Variants in STAT3 observed in about 807,000 individuals in gnomAD.
STAT3 encodes signal transducer and activator of transcription 3.
STAT3 carries 7 observed loss-of-function variants against 114.3 expected under a neutral mutation model. The ratio of observed to expected loss-of-function variants is 0.06; its 90% CI spans 0.03 to 0.11. The LOEUF is 0.11. Among genes scored for constraint, STAT3 ranks in the 10% least tolerant of loss-of-function variants. The pLI is 1.00. For synonymous variants in STAT3, 331 were observed against 354.5 expected, an observed-to-expected ratio of 0.93 and a Z score of 0.74; for missense variants, 364 against 960.9, an observed-to-expected ratio of 0.38 and a Z score of 8.21.
At position 42,334,181 on chromosome 17, in the gene STAT3, T is replaced by C. The variant is rs1275354243; in HGVS notation, c.798-132A>G. 1.1e-5 allele frequency: 11 copies of C among 1,014,764 alleles called. No individual in the cohort carries two copies. The East Asian group carries it at 2.6e-4, about 24-fold the overall frequency. 62.9% of individuals were successfully genotyped at this position (1,014,764 alleles called of 1,614,324 possible). A position where few individuals can be genotyped will look rare whatever the true frequency, so the allele number is the denominator to read the frequency against. On this transcript the variant is annotated intron_variant, in intron 8 of 23. Transcript: ENST00000264657. ...AAGGAATTTTTTTATTGTGGTGAAA[T>C]ATATATAGCATGAAATTTACAATTT... is the stretch of plus-strand genomic sequence containing the variant.
rs1598423198 is a variant in STAT3, at chr17:42,337,650, A to G, written c.646-64T>C. Reference sequence around the variant, plus strand: ...CAGACTGTCTCTAACCACATTCTTTAGTCAACTCCAGAGCAGGAACTTCTT... The same window carrying G: ...CAGACTGTCTCTAACCACATTCTTTGGTCAACTCCAGAGCAGGAACTTCTT... On this transcript the variant is annotated intron_variant, in intron 7 of 23. Transcript: ENST00000264657. This position sits in a 1 kb window ranked among gnomAD's most constrained non-coding sequence, Gnocchi z 4.0. 1 of 1,614,006 alleles carries G rather than the reference A, an allele frequency of 6.2e-7. No homozygotes were observed. The highest frequency in any genetic ancestry group is 2.2e-5 in the East Asian group (1 of 44,886).
intron 1 of STAT3, among the ~76,000 whole-genome samples, chr17:42,378,641 G>A (rs1018468874): frequency 6.6e-6 from 1 of 152,196 alleles, no homozygotes; most frequent in Non-Finnish European, 1.5e-5. Flanking sequence ...CTGATTTGTC[G>A]AGAAAGTCAG....
chr17:42,370,285 G>A (rs796171412), intron 1 of STAT3, among the ~76,000 whole-genome samples: 24 of 146,604 alleles, frequency 1.6e-4, no homozygotes, highest in African/African-American at 5.1e-4. Flanking sequence ...TTGCTCTGTC[G>A]TCCAGGCTAG....
chr17:42,352,314 G>A (rs1379621462), intron 1 of STAT3, among the ~76,000 whole-genome samples: 2 of 152,006 alleles, frequency 1.3e-5, no homozygotes, highest in Admixed American at 6.6e-5. Flanking sequence ...ACTCCAGCCT[G>A]GGCAATACAG....
chr17:42,362,450 G>C (rs1245459624), intron 1 of STAT3, among the ~76,000 whole-genome samples: 2 of 152,156 alleles, frequency 1.3e-5, no homozygotes, highest in Non-Finnish European at 2.9e-5. Context: ...ACTGTGGGTA[G>C]AGAGACCTTT....
Position 42,315,462 on chromosome 17 carries a change from CT to C in STAT3, c.*282del. On this transcript the variant is annotated 3_prime_UTR_variant, in exon 24 of 24. Coordinates refer to ENST00000264657, the MANE Select transcript of STAT3 (RefSeq NM_139276.3). ...GGAACAAAACAACACAAGACATTTCCTTTTTCTCCCTCTAGCCACCCCCCGC... is the reference window on the plus strand; with the variant it reads ...GGAACAAAACAACACAAGACATTTCCTTTTCTCCCTCTAGCCACCCCCCGC... 1.8e-6 allele frequency: 1 copy of C among 555,066 alleles called. No individual in the cohort carries two copies. The highest frequency in any genetic ancestry group is 3.0e-5 in the East Asian group (1 of 33,192). The allele number at this position is 555,066 out of a possible 1,614,324, so 34.4% of individuals were successfully genotyped here.
Position 42,333,577 on chromosome 17 carries a change from C to G in STAT3, c.1049+96G>C. On this transcript the variant is annotated intron_variant, in intron 10 of 23. Coordinates refer to ENST00000264657, the MANE Select transcript of STAT3 (RefSeq NM_139276.3). The surrounding 1 kb of genome is among the most constrained non-coding windows in gnomAD (Gnocchi z 5.2). ...CAACAGTGTACTGCCTGTGACACCA[C>G]ACCTGGAAAGAATGACCCTGGCCAC... 7.2e-7 allele frequency: 1 copy of G among 1,394,130 alleles called. No homozygotes were observed. The highest frequency in any genetic ancestry group is 1.4e-5 in the African/African-American group (1 of 70,502). The allele number at this position is 1,394,130 out of a possible 1,614,324, so 86.4% of individuals were successfully genotyped here. A position where few individuals can be genotyped will look rare whatever the true frequency, so the allele number is the denominator to read the frequency against.
chr17:42,315,492 A>G lies in STAT3; in HGVS notation c.*253T>C. On this transcript the variant is annotated 3_prime_UTR_variant, in exon 24 of 24. Transcript: ENST00000264657. ...TCTCCCTCTAGCCACCCCCCGCCAC[A>G]TCCCCTGATCATGGGTCTCAGAGAA... The G allele has an allele frequency of 1.7e-6, 1 of 594,698 alleles. No individual in the cohort carries two copies. The highest frequency in any genetic ancestry group is 3.0e-6 in the Non-Finnish European group (1 of 333,594). The allele number at this position is 594,698 out of a possible 1,614,324, so 36.8% of individuals were successfully genotyped here. A position where few individuals can be genotyped will look rare whatever the true frequency, so the allele number is the denominator to read the frequency against.
At chr17:42,363,544 A>G (rs2083621936) in intron 1 of STAT3, among the ~76,000 whole-genome samples, 1 of 152,086 alleles carries the variant, frequency 6.6e-6, no homozygotes, top group Admixed American at 6.6e-5. Context: ...CCTGGGCTCA[A>G]GCAACCCTCC....
rs548950456 is a variant in STAT3, at chr17:42,329,469, G to A, written c.1234-12C>T. 18 of 1,614,188 alleles carry A rather than the reference G, an allele frequency of 1.1e-5. No individual in the cohort carries two copies. The highest frequency in any genetic ancestry group is 1.5e-5 in the Non-Finnish European group (18 of 1,180,040). ...TGCTCCCTCAGGGTCTGTAAGAAAA[G>A]AAAAAGGCAGGTGTCCTGTGAGGCT... On this transcript the variant is annotated splice_polypyrimidine_tract_variant and intron_variant, in intron 13 of 23. Coordinates refer to ENST00000264657, the MANE Select transcript of STAT3 (RefSeq NM_139276.3).
rs538697280 is a variant in STAT3, at chr17:42,362,814, C to T, written c.-23-14275G>A. Among the ~76,000 whole-genome samples the T allele has an allele frequency of 2.6e-5, 4 of 152,320 alleles. No individual in the cohort carries two copies. In the South Asian group the frequency reaches 6.2e-4, roughly 24 times the overall value. ...ACATCCTGGCTGGCTCTGCCCCTCT[C>T]GTATGGCTGGTACCAGCTGGTGGCT... On this transcript the variant is annotated intron_variant, in intron 1 of 23. Coordinates refer to ENST00000264657, the MANE Select transcript of STAT3 (RefSeq NM_139276.3).
In STAT3 at chr17:42,333,750, C is replaced by T; in HGVS notation, c.972G>A (p.Glu324=). 1 of 1,614,180 alleles carries T rather than the reference C, an allele frequency of 6.2e-7. No homozygotes were observed. Among genetic ancestry groups the T allele is most frequent in the Non-Finnish European group, 8.5e-7 (1 of 1,180,034 alleles). The part of the protein sequence containing the change: ...RNLMKSAFVV[E]RQPCMPMHPD... Reference sequence around the variant, plus strand: ...GATGCATGGGCATGCAGGGCTGCCGCTCCACCACAAAGGCACTGAGGAAAG... The same window carrying T: ...GATGCATGGGCATGCAGGGCTGCCGTTCCACCACAAAGGCACTGAGGAAAG... Residue 324 remains glutamate (E), a synonymous_variant, in exon 10 of 24, where the codon GAG becomes GAA. Coordinates refer to ENST00000264657, the MANE Select transcript of STAT3 (RefSeq NM_139276.3). The surrounding 1 kb of genome is among the most constrained non-coding windows in gnomAD (Gnocchi z 5.2).
chr17:42,340,035 A>T (rs1219387391), intron 4 of STAT3, among the ~76,000 whole-genome samples: 2 of 152,168 alleles, frequency 1.3e-5, no homozygotes, highest in African/African-American at 4.8e-5. Flanking sequence ...AAGAAATAAC[A>T]AAAAATAAAT....
chr17:42,360,696 ATTGTAACT>A (rs1229049759), intron 1 of STAT3, among the ~76,000 whole-genome samples: 1 of 152,152 alleles, frequency 6.6e-6, no homozygotes, highest in African/African-American at 2.4e-5. Context: ...CAAACCAACC[ATTGTAACT>A]AGCCAATGTG....
At position 42,315,481 on chromosome 17, in the gene STAT3, C is replaced by G. The variant is rs910901689; in HGVS notation, c.*264G>C. The G allele has an allele frequency of 1.2e-5, 7 of 579,384 alleles. No homozygotes were observed. In the African/African-American group the frequency reaches 1.3e-4, roughly 11 times the overall value. 35.9% of individuals were successfully genotyped at this position (579,384 alleles called of 1,614,324 possible). ...CATTTCCTTTTTCTCCCTCTAGCCA[C>G]CCCCCGCCACATCCCCTGATCATGG... On this transcript the variant is annotated 3_prime_UTR_variant, in exon 24 of 24. Transcript: ENST00000264657.
chr17:42,331,460 AG>A lies in STAT3; in HGVS notation c.1109+11del, dbSNP rs757018644. 6.2e-7 allele frequency: 1 copy of A among 1,609,136 alleles called. No homozygotes were observed. Among genetic ancestry groups the A allele is most frequent in the South Asian group, 1.1e-5 (1 of 90,894 alleles). On this transcript the variant is annotated intron_variant, in intron 11 of 23. Coordinates refer to ENST00000264657, the MANE Select transcript of STAT3 (RefSeq NM_139276.3). ...CTCATTTGAAAAACAGAGCTAAGAT[AG>A]GAGTACTTACTTGTCAATGCACACT...
At chr17:42,387,946 A>C in intron 1 of STAT3, 1 of 247,670 alleles carries the variant, frequency 4.0e-6, no homozygotes, top group East Asian at 6.9e-5. Flanking sequence ...GGTGGCCGGA[A>C]CGTCCCCAGG....
intron 8 of STAT3, 91 bp from the exon 9 acceptor site, chr17:42,334,140 C>A: frequency 6.9e-7 from 1 of 1,449,952 alleles, no homozygotes; most frequent in South Asian, 1.2e-5. Context: ...GACATGGAGA[C>A]CACTACAATA....
chr17:42,326,032 TTC>T (rs1202848563), intron 15 of STAT3, 82 bp downstream of exon 15: 1 of 1,233,420 alleles, frequency 8.1e-7, no homozygotes, highest in East Asian at 2.3e-5. Context: ...TCATTCCACC[TTC>T]TCTTGTAAAA....
Sources: gnomAD v4.1 joint callset for allele counts (sites outside exome capture counted in the v4.1 genomes callset) on GRCh38, gnomAD v4.1.1 for gene constraint, Gnocchi (gnomAD v3.1) non-coding constraint, MANE v1.5 for transcripts, NCBI Gene and HGNC (gene_info 2026-07-23, HGNC 2026-07-21) for gene names.